ASL: variants seen among roughly 807,000 people sequenced by gnomAD.
The protein encoded by ASL is argininosuccinase.
In ASL, 51 loss-of-function variants were observed where a neutral mutation model predicts 69.1. That is an observed-to-expected ratio of 0.74 (90% CI 0.59 to 0.93). ASL has a LOEUF of 0.93. Among genes scored for constraint, ASL ranks in the 40% least tolerant of loss-of-function variants. ASL has a pLI of 0.00. For synonymous variants in ASL, 241 were observed against 247.6 expected, an observed-to-expected ratio of 0.97 and a Z score of 0.25; for missense variants, 540 against 623.9, an observed-to-expected ratio of 0.87 and a Z score of 1.43.
chr7:66,089,028 G>A, intron 11 of ASL, 63 bp from the exon 12 acceptor site: 2 of 1,611,314 alleles, frequency 1.2e-6, no homozygotes, highest in South Asian at 2.2e-5. Flanking sequence ...GCCAGACCTG[G>A]CCATTGCGGC....
At chr7:66,092,419 G>A (rs1786874113) in intron 15 of ASL, 138 bp from the exon 16 acceptor site, 1 of 836,538 alleles carries the variant, frequency 1.2e-6, no homozygotes, top group Admixed American at 2.3e-5. Flanking sequence ...TCGCGCCACT[G>A]CACTCCAGCC....
chr7:66,087,670 G>T (rs1472855727), intron 9 of ASL, 59 bp from the exon 10 acceptor site: 1 of 1,601,922 alleles, frequency 6.2e-7, no homozygotes, highest in Non-Finnish European at 8.5e-7. Flanking sequence ...AACCTAGTTG[G>T]GGGAGAGGGG....
chr7:66,084,028 G>A (rs1330366623), intron 6 of ASL, among the ~76,000 whole-genome samples: 1 of 152,188 alleles, frequency 6.6e-6, no homozygotes, highest in Non-Finnish European at 1.5e-5. Context: ...TGTGACCCCT[G>A]TTGTGCAGAC....
chr7:66,077,138 G>A (rs1224437157), intron 2 of ASL, among the ~76,000 whole-genome samples: 1 of 152,182 alleles, frequency 6.6e-6, no homozygotes, highest in East Asian at 1.9e-4. Context: ...GCAACAGTAG[G>A]TGCTCAATAA....
chr7:66,090,432 C>A (rs1786809771), intron 14 of ASL, among the ~76,000 whole-genome samples: 1 of 151,906 alleles, frequency 6.6e-6, no homozygotes, highest in African/African-American at 2.4e-5. Flanking sequence ...CGCCACCACG[C>A]CTGGCTAATT....
chr7:66,092,707 C>A (rs1428723194), intron 16 of ASL, 44 bp downstream of exon 16: 1 of 1,613,636 alleles, frequency 6.2e-7, no homozygotes, highest in South Asian at 1.1e-5. Flanking sequence ...AGGAAGTGAG[C>A]CTGGGTGCCT....
At position 66,093,402 on chromosome 7, in the gene ASL, G is replaced by T; in HGVS notation, c.*490G>T. 3.7e-6 allele frequency: 1 copy of T among 268,176 alleles called. No homozygotes were observed. The highest frequency in any genetic ancestry group is 4.2e-5 in the South Asian group (1 of 23,716). The allele number at this position is 268,176 out of a possible 1,614,324, so 16.6% of individuals were successfully genotyped here. A position where few individuals can be genotyped will look rare whatever the true frequency, so the allele number is the denominator to read the frequency against. On this transcript the variant is annotated 3_prime_UTR_variant, in exon 17 of 17. Coordinates refer to ENST00000304874, the MANE Select transcript of ASL (RefSeq NM_000048.4). ...AGTCGTAGACGGGAAGGGAAGAGGG[G>T]GCTCCCATCATAGCCTCTGCTCTGT...
intron 6 of ASL, 107 bp downstream of exon 6, chr7:66,083,281 G>A (rs902555780): frequency 4.1e-6 from 5 of 1,231,106 alleles, no homozygotes; most frequent in Admixed American, 2.0e-5. Context: ...GGCCCTGGGG[G>A]ACAGGGGCAT....
intron 2 of ASL, among the ~76,000 whole-genome samples, chr7:66,078,875 T>A (rs1319883523): frequency 6.6e-6 from 1 of 151,782 alleles, no homozygotes; most frequent in Non-Finnish European, 1.5e-5. Context: ...CCTCAAGCGA[T>A]CCACCTGCCT....
At chr7:66,091,414 G>T (rs574607063) in intron 14 of ASL, among the ~76,000 whole-genome samples, 1 of 152,262 alleles carries the variant, frequency 6.6e-6, no homozygotes, top group South Asian at 2.1e-4. Context: ...AATTAAATTA[G>T]CCAGTCGTGA....
intron 13 of ASL, 56 bp downstream of exon 13, chr7:66,089,391 A>G: frequency 6.4e-7 from 1 of 1,559,804 alleles, no homozygotes; most frequent in Non-Finnish European, 8.7e-7. Context: ...GCTCTGGCAC[A>G]CTCAGGCAGG....
At chr7:66,076,945 C>T (rs1257373043) in intron 2 of ASL, among the ~76,000 whole-genome samples, 1 of 152,142 alleles carries the variant, frequency 6.6e-6, no homozygotes, top group Non-Finnish European at 1.5e-5. Context: ...AAGCTCAGTG[C>T]CCTGCAAGCT....
In ASL at chr7:66,089,299, CA is replaced by C; in HGVS notation, c.944del (p.Lys315ArgfsTer25). On this transcript the variant is annotated frameshift_variant, in exon 13 of 17. Coordinates refer to ENST00000304874, the MANE Select transcript of ASL (RefSeq NM_000048.4). LOFTEE classifies it high-confidence loss of function. Reference protein sequence around the residue: ...GRCAGLLMTLKGLPSTYNKDL... With the variant: ...GRCAGLLMTLXGLPSTYNKDL... ...AGTGTGCCGGGCTCCTGATGACCCT[CA>C]AGGGACTTCCCAGCACCTACAACAA... 1 of 1,609,948 alleles carries C rather than the reference CA, an allele frequency of 6.2e-7. No homozygotes were observed.
intron 6 of ASL, among the ~76,000 whole-genome samples, chr7:66,083,506 A>G (rs780998): frequency 0.6 from 90,262 of 151,488 alleles, 27,389 homozygotes; most frequent in African/African-American, 0.69. Context: ...CCAACATGGG[A>G]AAACTCTGTC....
At chr7:66,089,545 T>C in intron 13 of ASL, 67 bp from the exon 14 acceptor site, 1 of 1,444,010 alleles carries the variant, frequency 6.9e-7, no homozygotes, top group Non-Finnish European at 9.5e-7. Context: ...AGTGGGGGGG[T>C]GGGGCTGTGG....
Position 66,093,357 on chromosome 7 carries a change from A to G in ASL, c.*445A>G. The G allele has an allele frequency of 3.4e-6, 1 of 292,274 alleles. No individual in the cohort carries two copies. Among genetic ancestry groups the G allele is most frequent in the South Asian group, 3.4e-5 (1 of 29,590 alleles). 18.1% of individuals were successfully genotyped at this position (292,274 alleles called of 1,614,324 possible). ...ACGAAAAATAAATGGAAGCGGAGAA[A>G]ACTGGGCAAGGGCAATGAGAGTCGT... On this transcript the variant is annotated 3_prime_UTR_variant, in exon 17 of 17. Transcript: ENST00000304874.
intron 2 of ASL, 69 bp from the exon 3 acceptor site, chr7:66,081,734 A>C (rs1214745209): frequency 6.5e-7 from 1 of 1,543,446 alleles, no homozygotes; most frequent in Non-Finnish European, 8.8e-7. Flanking sequence ...AGTTTCCCAA[A>C]GACTCTTTGC....
chr7:66,086,911 A>T, intron 8 of ASL, 90 bp downstream of exon 8: 1 of 1,433,434 alleles, frequency 7.0e-7, no homozygotes, highest in Non-Finnish European at 9.5e-7. Context: ...GCAGAGTGGG[A>T]CAGAAAACCG....
chr7:66,091,646 T>A (rs1315701083), intron 14 of ASL: 1 of 294,678 alleles, frequency 3.4e-6, no homozygotes, highest in Non-Finnish European at 6.6e-6. Context: ...GAAGATCCCT[T>A]GAGTCCAGGC....
Sources: gnomAD v4.1 joint callset for allele counts (sites outside exome capture counted in the v4.1 genomes callset) on GRCh38, gnomAD v4.1.1 for gene constraint, MANE v1.5 for transcripts, NCBI Gene and HGNC (gene_info 2026-07-23, HGNC 2026-07-21) for gene names.